Variants in AKR1C2 observed in about 807,000 individuals in gnomAD.
AKR1C2 encodes aldo-keto reductase family 1 member C2.
AKR1C2 carries 27 observed loss-of-function variants against 39.8 expected under a neutral mutation model. That is an observed-to-expected ratio of 0.68 (90% CI 0.50 to 0.93). The LOEUF is 0.93. AKR1C2 is among the 40% of genes least tolerant of loss of function. AKR1C2 has a pLI of 0.00. For missense variants in AKR1C2, 263 were observed against 365.1 expected (o/e 0.72, Z 2.28); for synonymous variants, 114 against 137.9 (o/e 0.83, Z 1.22).
intron 1 of AKR1C2, among the ~76,000 whole-genome samples, chr10:5,002,872 G>T (rs1837314206): frequency 6.6e-6 from 1 of 152,064 alleles, no homozygotes; most frequent in Admixed American, 6.5e-5. Context: ...TCCTCTCCAT[G>T]CCAATTTATA....
chr10:4,998,814 G>A, intron 4 of AKR1C2, 67 bp from the exon 5 acceptor site: 1 of 1,600,088 alleles, frequency 6.2e-7, no homozygotes, highest in South Asian at 1.1e-5. Context: ...ATGTAACATA[G>A]AACTGTGAAA....
In AKR1C2 at chr10:4,989,841, T is replaced by C. The variant is rs1836772544; in HGVS notation, c.*155A>G. 2.7e-6 allele frequency: 3 copies of C among 1,128,844 alleles called. No individual in the cohort carries two copies. Among genetic ancestry groups the C allele is most frequent in the South Asian group, 1.5e-5 (1 of 65,302 alleles). The allele number at this position is 1,128,844 out of a possible 1,614,324, so 69.9% of individuals were successfully genotyped here. Reference sequence around the variant, plus strand: ...TGAAAAACAAAATTATTGTCTTTCTTTTCCGGCCGATGGGCTTAGCTGTAG... The same window carrying C: ...TGAAAAACAAAATTATTGTCTTTCTCTTCCGGCCGATGGGCTTAGCTGTAG... On this transcript the variant is annotated 3_prime_UTR_variant, in exon 9 of 9. Transcript: ENST00000380753.
At chr10:5,011,173 A>C (rs1554774897) in intron 1 of AKR1C2, among the ~76,000 whole-genome samples, 1 of 152,150 alleles carries the variant, frequency 6.6e-6, no homozygotes, top group Non-Finnish European at 1.5e-5. Context: ...TAACAAGAAA[A>C]CCCAAATAAC....
rs550209837 is a variant in AKR1C2, at chr10:4,995,744, A to G, written c.680+12T>C. 1 of 1,607,302 alleles carries G rather than the reference A, an allele frequency of 6.2e-7. No individual in the cohort carries two copies. Among genetic ancestry groups the G allele is most frequent in the South Asian group, 1.1e-5 (1 of 89,816 alleles). ...CCAGTGTTTTAGGTAAACTTCCTGTATCTCTTATTACCATGGTTCTTCTCG... is the reference window on the plus strand; with the variant it reads ...CCAGTGTTTTAGGTAAACTTCCTGTGTCTCTTATTACCATGGTTCTTCTCG... On this transcript the variant is annotated intron_variant, in intron 6 of 8. Transcript: ENST00000380753.
chr10:5,006,458 C>T (rs772899040), upstream of AKR1C2: 9 of 152,036 alleles, frequency 5.9e-5, no homozygotes, highest in Non-Finnish European at 1.3e-4. Flanking sequence ...AAAAAATTAG[C>T]TGGTCATGGG....
At chr10:5,004,460 G>A (rs1210006925), upstream of AKR1C2, among the ~76,000 whole-genome samples, 12 of 152,164 alleles carry the variant, frequency 7.9e-5, no homozygotes, top group African/African-American at 2.6e-4. Flanking sequence ...TAATCCTGAT[G>A]TGGGTGTAAA....
intron 6 of AKR1C2, 70 bp downstream of exon 6, chr10:4,995,686 A>G: frequency 1.3e-6 from 2 of 1,488,700 alleles, no homozygotes; most frequent in Non-Finnish European, 9.1e-7. Context: ...ACTCCAGGAA[A>G]CAGCATGATC....
At chr10:5,000,033 G>A in intron 3 of AKR1C2, 1 of 1,049,178 alleles carries the variant, frequency 9.5e-7, no homozygotes. Flanking sequence ...AGAATTCATG[G>A]CTAAGCAAAA....
chr10:5,001,825 G>T (rs1448026635), intron 1 of AKR1C2, 144 bp from the exon 2 acceptor site: 72 of 1,107,412 alleles, frequency 6.5e-5, no homozygotes, highest in Non-Finnish European at 9.0e-5. Context: ...ATCCCAGTCT[G>T]ACTGGGTCTT....
Position 5,001,625 on chromosome 10 carries a change from G to A in AKR1C2, c.141C>T (p.His47=), listed in dbSNP as rs782075110. The A allele has an allele frequency of 1.4e-5, 23 of 1,613,874 alleles. No homozygotes were observed. The highest frequency in any genetic ancestry group is 1.9e-5 in the Non-Finnish European group (22 of 1,179,888). The change falls in exon 2 of 9, where the codon CAC becomes CAT. Residue 47 remains histidine, a synonymous_variant. Transcript: ENST00000380753. ...TGTAAACATGTGCAGAATCAATATG[G>A]TGGAACCCGGCTTCTATTGCCAATT... ...AVKLAIEAGF[H]HIDSAHVYNN...
At position 5,003,818 on chromosome 10, in the gene AKR1C2, C is replaced by G; in HGVS notation, c.18G>C (p.Gln6His). The change falls in exon 1 of 9, where the codon CAG becomes CAC. Residue 6 changes from glutamine (Q) to histidine (H), a missense_variant. Physicochemically the swap from Gln to His is conservative, Grantham distance 24. Coordinates refer to ENST00000380753, the MANE Select transcript of AKR1C2 (RefSeq NM_001393392.1). MDSKYQCVKLNDGHFM... is the reference protein window; with the variant it reads MDSKYHCVKLNDGHFM... Reference sequence around the variant, plus strand: ...AGTGACCATCATTCAGCTTCACACACTGGTATTTCGAATCCATTTCTGTCA... The same window carrying G: ...AGTGACCATCATTCAGCTTCACACAGTGGTATTTCGAATCCATTTCTGTCA... 1 of 1,614,138 alleles carries G rather than the reference C, an allele frequency of 6.2e-7. No individual in the cohort carries two copies. Among genetic ancestry groups the G allele is most frequent in the Non-Finnish European group, 8.5e-7 (1 of 1,179,986 alleles).
intron 3 of AKR1C2, 156 bp downstream of exon 3, chr10:5,000,394 G>C: frequency 6.4e-7 from 1 of 1,559,470 alleles, no homozygotes; most frequent in African/African-American, 1.4e-5. Context: ...ATTGCTTTCT[G>C]TTCCATAGAA....
intron 3 of AKR1C2, 175 bp from the exon 4 acceptor site, chr10:4,999,452 A>G: frequency 7.0e-7 from 1 of 1,429,760 alleles, no homozygotes; most frequent in East Asian, 2.5e-5. Flanking sequence ...TCTTCAGGTG[A>G]CAGGCTTCCT....
chr10:5,014,247 G>A lies in AKR1C2; in HGVS notation c.-88+3653C>T, dbSNP rs531784244. ...TAGGTATTGTGAGCCCCAAATACCT[G>A]AGACATGCCCCAGTCAATTTAGAAA... On this transcript the variant is annotated intron_variant, in intron 1 of 6. Coordinates refer to the AKR1C2 transcript ENST00000604507. Among the ~76,000 whole-genome samples the A allele has an allele frequency of 3.3e-5, 5 of 151,868 alleles. No homozygotes were observed. In the South Asian group the frequency reaches 1.0e-3, roughly 32 times the overall value.
intron 1 of AKR1C2, 70 bp from the exon 2 acceptor site, chr10:5,001,751 A>G (rs1400245949): frequency 1.3e-6 from 2 of 1,599,148 alleles, no homozygotes; most frequent in African/African-American, 2.7e-5. Flanking sequence ...ACAAGCAGCA[A>G]CGTTCACAAA....
rs782328907 is a variant in AKR1C2, at chr10:5,000,360, C to T, written c.369+190G>A. The stretch of plus-strand genomic sequence containing the variant: ...TGCACTCTCTTTTCTTGTAGACATG[C>T]AATCACGGAAGTATGGATTCAAAAT... On this transcript the variant is annotated intron_variant, in intron 3 of 8. Coordinates refer to ENST00000380753, the MANE Select transcript of AKR1C2 (RefSeq NM_001393392.1). The T allele has an allele frequency of 3.2e-5, 49 of 1,544,182 alleles. 1 individual carries two copies. The South Asian group carries it at 4.7e-4, about 15-fold the overall frequency.
intron 4 of AKR1C2, 114 bp from the exon 5 acceptor site, chr10:4,998,861 G>A: frequency 6.7e-7 from 1 of 1,495,808 alleles, no homozygotes. Context: ...AAACTAGCTA[G>A]CCGTGGTTCT....
rs1333707744 is a variant in AKR1C2, at chr10:4,989,827, AT to A, written c.*168del. 4.8e-6 allele frequency: 5 copies of A among 1,035,738 alleles called. No homozygotes were observed. In the East Asian group the frequency reaches 1.4e-4, roughly 29 times the overall value. The allele number at this position is 1,035,738 out of a possible 1,614,324, so 64.2% of individuals were successfully genotyped here. On this transcript the variant is annotated 3_prime_UTR_variant, in exon 9 of 9. Transcript: ENST00000380753. Reference sequence around the variant, plus strand: ...TAATTTTTTCAAAATGAAAAACAAAATTATTGTCTTTCTTTTCCGGCCGATG... The same window carrying A: ...TAATTTTTTCAAAATGAAAAACAAAATATTGTCTTTCTTTTCCGGCCGATG...
At chr10:5,009,609 A>T in intron 1 of AKR1C2, among the ~76,000 whole-genome samples, 1 of 147,182 alleles carries the variant, frequency 6.8e-6, no homozygotes, top group East Asian at 1.9e-4. Flanking sequence ...GTGGTTTCCC[A>T]GCAAAGGCCC....
Sources: allele counts gnomAD v4.1 joint callset (sites outside exome capture counted in the v4.1 genomes callset), GRCh38; gene constraint gnomAD v4.1.1; transcripts MANE v1.5; gene names NCBI Gene and HGNC (gene_info 2026-07-23, HGNC 2026-07-21).